Variants in FAM13A observed in about 807,000 individuals in gnomAD.
FAM13A encodes protein FAM13A.
A neutral mutation model predicts 129.6 loss-of-function variants in FAM13A; 76 were observed. The observed-to-expected ratio is 0.59, with a 90% confidence interval of 0.49 to 0.71. The LOEUF (loss-of-function observed/expected upper bound fraction) is 0.71. Among genes scored for constraint, FAM13A ranks in the 30% least tolerant of loss-of-function variants. The probability of loss-of-function intolerance (pLI) is 0.00; values close to 1 mark genes in which losing one functional copy is unlikely to be tolerated. For synonymous variants in FAM13A, 443 were observed against 449.9 expected, an observed-to-expected ratio of 0.98 and a Z score of 0.20; for missense variants, 1,108 against 1,249.3, an observed-to-expected ratio of 0.89 and a Z score of 1.70.
chr4:89,044,139 A>G (rs1770531885), intron 1 of FAM13A, among the ~76,000 whole-genome samples: 1 of 152,040 alleles, frequency 6.6e-6, no homozygotes, highest in South Asian at 2.1e-4. Flanking sequence ...CACAACACAT[A>G]GAATAGAATC....
At chr4:88,743,273 A>G (rs1578449438) in intron 19 of FAM13A, among the ~76,000 whole-genome samples, 3 of 152,292 alleles carry the variant, frequency 2.0e-5, no homozygotes, top group Admixed American at 2.0e-4. Context: ...ACAGAAATCA[A>G]AAAGGCCTGA....
chr4:89,011,289 T>G (rs1219511173), intron 3 of FAM13A, among the ~76,000 whole-genome samples: 4 of 152,236 alleles, frequency 2.6e-5, no homozygotes, highest in African/African-American at 9.6e-5. Context: ...ATAGTGGTGA[T>G]GGTTGCACAA....
chr4:88,920,662 A>G (rs1358566931), intron 5 of FAM13A, among the ~76,000 whole-genome samples: 1 of 152,216 alleles, frequency 6.6e-6, no homozygotes. Flanking sequence ...CTCCAAAAGA[A>G]CGCAGTTCCT....
chr4:88,746,831 GC>G, intron 19 of FAM13A, 100 bp downstream of exon 19: 4 of 773,224 alleles, frequency 5.2e-6, no homozygotes, highest in Non-Finnish European at 6.7e-6. Flanking sequence ...AGTAAAGCAA[GC>G]AAACATTAGG....
rs190742441 is a variant in FAM13A, at chr4:88,731,293, G to T, written c.2945+34C>A. The T allele has an allele frequency of 1.7e-3, 2,046 of 1,207,728 alleles. 15 individuals are homozygous for T. The highest frequency in any genetic ancestry group is 0.011 in the Middle Eastern group (53 of 4,856). The allele number at this position is 1,207,728 out of a possible 1,614,324, so 74.8% of individuals were successfully genotyped here. ...GGGATGGGTGTGTGTGGTGCGGCGG[G>T]GGGGAAGGGAGGGTGGGGGAAGACA... On this transcript the variant is annotated intron_variant, in intron 23 of 23. Coordinates refer to ENST00000264344, the MANE Select transcript of FAM13A (RefSeq NM_014883.4).
chr4:89,017,383 C>A (rs1478932672), intron 3 of FAM13A, among the ~76,000 whole-genome samples: 1 of 151,874 alleles, frequency 6.6e-6, no homozygotes, highest in African/African-American at 2.4e-5. Context: ...TTTTATGACA[C>A]CTATCAACTT....
chr4:88,803,670 T>A (rs1727993013), intron 8 of FAM13A, among the ~76,000 whole-genome samples: 1 of 152,186 alleles, frequency 6.6e-6, no homozygotes, highest in South Asian at 2.1e-4. Flanking sequence ...GTATGCTGAT[T>A]TGGTTGGCAG....
chr4:88,991,940 A>G (rs1419452559), intron 3 of FAM13A, among the ~76,000 whole-genome samples: 1 of 152,158 alleles, frequency 6.6e-6, no homozygotes, highest in African/African-American at 2.4e-5. Flanking sequence ...ATATCTGACC[A>G]AATTACTCAT....
intron 1 of FAM13A, among the ~76,000 whole-genome samples, chr4:89,035,527 T>C (rs907334084): frequency 6.6e-5 from 10 of 151,720 alleles, no homozygotes; most frequent in African/African-American, 1.9e-4. Flanking sequence ...AAAAGGATAA[T>C]TGAGGTGCCA....
intron 4 of FAM13A, among the ~76,000 whole-genome samples, chr4:88,964,870 C>A (rs1362666309): frequency 6.6e-6 from 1 of 152,092 alleles, no homozygotes; most frequent in African/African-American, 2.4e-5. Flanking sequence ...TCAAGTGATT[C>A]GTCCGCCTCG....
At chr4:88,824,191 TA>T (rs144674825) in intron 7 of FAM13A, among the ~76,000 whole-genome samples, 2,961 of 152,310 alleles carry the variant, frequency 0.019, 113 homozygotes, top group African/African-American at 0.067. Flanking sequence ...ATTTACATGA[TA>T]TTTTTTTCAC....
At chr4:89,055,643 T>C (rs561217839) in intron 1 of FAM13A, among the ~76,000 whole-genome samples, 1 of 152,254 alleles carries the variant, frequency 6.6e-6, no homozygotes, top group East Asian at 1.9e-4. Context: ...GTTTCTTTTA[T>C]AAAGCTAGAA....
At chr4:88,752,424 T>A (rs1742809355) in intron 14 of FAM13A, among the ~76,000 whole-genome samples, 1 of 152,076 alleles carries the variant, frequency 6.6e-6, no homozygotes, top group African/African-American at 2.4e-5. Flanking sequence ...ATTTAAAAAA[T>A]TAACTTTATA....
intron 4 of FAM13A, among the ~76,000 whole-genome samples, chr4:88,980,123 C>T (rs10028596): frequency 0.71 from 108,480 of 152,094 alleles, 39,011 homozygotes; most frequent in African/African-American, 0.82. Context: ...TGATAAACAA[C>T]AGTAAGTTTT....
intron 5 of FAM13A, among the ~76,000 whole-genome samples, chr4:88,924,900 G>C (rs1751829349): frequency 6.6e-6 from 1 of 151,788 alleles, no homozygotes; most frequent in East Asian, 1.9e-4. Flanking sequence ...CAAAGGATAT[G>C]AACAGACACT....
At chr4:88,878,632 T>C (rs754479756) in intron 6 of FAM13A, among the ~76,000 whole-genome samples, 11 of 152,214 alleles carry the variant, frequency 7.2e-5, no homozygotes, top group African/African-American at 1.2e-4. Context: ...ATTCTCAATA[T>C]TGGTTTTCAA....
In FAM13A at chr4:88,959,417, C is replaced by T. The variant is rs533898708; in HGVS notation, c.606-21176G>A. ...GGCCATCCCCTTGGTGATGAGTGAA[C>T]TCTCACTCTGAGTTCACATGAGATC... On this transcript the variant is annotated intron_variant, in intron 4 of 23. Coordinates refer to ENST00000264344, the MANE Select transcript of FAM13A (RefSeq NM_014883.4). 6.7e-4 allele frequency among the ~76,000 whole-genome samples: 102 copies of T among 152,322 alleles called. 1 individual carries two copies. The highest frequency in any genetic ancestry group is 1.3e-3 in the Non-Finnish European group (90 of 68,026).
At chr4:88,893,750 C>G (rs940285256) in intron 6 of FAM13A, among the ~76,000 whole-genome samples, 6 of 151,230 alleles carry the variant, frequency 4.0e-5, no homozygotes, top group Non-Finnish European at 8.8e-5. Flanking sequence ...ATGGCGTGAA[C>G]CCGGGAGGCG....
intron 11 of FAM13A, among the ~76,000 whole-genome samples, chr4:88,768,700 C>G (rs1296597678): frequency 1.3e-5 from 2 of 151,958 alleles, no homozygotes; most frequent in African/African-American, 4.8e-5. Context: ...ATTTAAGAAC[C>G]TTTCTTTTTA....
Sources: gnomAD v4.1 joint callset for allele counts (sites outside exome capture counted in the v4.1 genomes callset) on GRCh38, gnomAD v4.1.1 for gene constraint, MANE v1.5 for transcripts, NCBI Gene and HGNC (gene_info 2026-07-23, HGNC 2026-07-21) for gene names.